Variants in FBXO34 observed in about 807,000 individuals in gnomAD.
The protein encoded by FBXO34 is F-box protein 34, also known as F-box only protein 34.
In FBXO34, 12 loss-of-function variants were observed where a neutral mutation model predicts 24.5. The observed-to-expected ratio is 0.49, with a 90% CI of 0.31 to 0.79. FBXO34 has a LOEUF of 0.79. Among genes scored for constraint, FBXO34 ranks in the 30% least tolerant of loss-of-function variants. The pLI is 0.04. For synonymous variants in FBXO34, 320 were observed against 311.9 expected (o/e 1.03, Z -0.27); for missense variants, 823 against 857.7 (o/e 0.96, Z 0.51).
the FBXO34 span, among the ~76,000 whole-genome samples, chr14:55,396,772 A>G: frequency 6.6e-6 from 1 of 152,182 alleles, no homozygotes; most frequent in African/African-American, 2.4e-5. Context: ...AGAAGGTTCT[A>G]TAGGACAATT....
chr14:55,392,746 A>G, the FBXO34 span, among the ~76,000 whole-genome samples: 1 of 152,172 alleles, frequency 6.6e-6, no homozygotes, highest in Non-Finnish European at 1.5e-5. Flanking sequence ...GCTTAAAACA[A>G]TGCTCAAATG....
the FBXO34 span, among the ~76,000 whole-genome samples, chr14:55,404,985 A>C: frequency 6.6e-6 from 1 of 152,222 alleles, no homozygotes; most frequent in South Asian, 2.1e-4. Flanking sequence ...AAAAGGTATA[A>C]TCATAAGAGT....
intron 1 of FBXO34, among the ~76,000 whole-genome samples, chr14:55,322,880 AATT>A (rs1883187999): frequency 1.3e-5 from 2 of 151,544 alleles, no homozygotes; most frequent in South Asian, 4.2e-4. Context: ...TTTTTACTAA[AATT>A]ATTTTTTTGG....
the FBXO34 span, among the ~76,000 whole-genome samples, chr14:55,441,029 T>C: frequency 6.6e-6 from 1 of 152,106 alleles, no homozygotes; most frequent in Non-Finnish European, 1.5e-5. Context: ...GTATTTTTAG[T>C]AGAGACTGGT....
chr14:55,411,377 T>G, the FBXO34 span, among the ~76,000 whole-genome samples: 1 of 152,152 alleles, frequency 6.6e-6, no homozygotes, highest in East Asian at 1.9e-4. Context: ...GGGGTCAAAC[T>G]CCTCTTGGGT....
intron 1 of FBXO34, chr14:55,282,365 G>A (rs1408321554): frequency 4.5e-6 from 2 of 444,370 alleles, no homozygotes; most frequent in African/African-American, 2.0e-5. Flanking sequence ...TGATAAGGAA[G>A]GCACCCTTGA....
chr14:55,321,297 AC>A (rs2140022951), intron 1 of FBXO34, among the ~76,000 whole-genome samples: 1 of 152,248 alleles, frequency 6.6e-6, no homozygotes, highest in Admixed American at 6.5e-5. Context: ...CGTGCTTTAC[AC>A]ATCCCACACC....
chr14:55,324,681 T>A (rs1883282284), intron 1 of FBXO34, among the ~76,000 whole-genome samples: 2 of 152,274 alleles, frequency 1.3e-5, no homozygotes, highest in South Asian at 4.2e-4. Context: ...GTTTTTAATA[T>A]TTTGCCATTG....
At chr14:55,290,734 T>A (rs1881918674) in intron 1 of FBXO34, among the ~76,000 whole-genome samples, 1 of 152,260 alleles carries the variant, frequency 6.6e-6, no homozygotes, top group Admixed American at 6.5e-5. Flanking sequence ...TAGCCACATC[T>A]GAATGCAAAG....
intron 1 of FBXO34, among the ~76,000 whole-genome samples, chr14:55,287,182 AG>A (rs1317394805): frequency 6.6e-6 from 1 of 152,216 alleles, no homozygotes; most frequent in African/African-American, 2.4e-5. Flanking sequence ...CTGGGATTAC[AG>A]GCATGAGCCA....
downstream of FBXO34, among the ~76,000 whole-genome samples, chr14:55,371,230 T>C (rs1261944315): frequency 4.6e-5 from 7 of 152,218 alleles, no homozygotes; most frequent in African/African-American, 7.2e-5. Context: ...TAGAATCGTA[T>C]AGCTTGCCAT....
chr14:55,380,875 A>ATTTTTT, the FBXO34 span, among the ~76,000 whole-genome samples: 38 of 112,668 alleles, frequency 3.4e-4, no homozygotes, highest in Non-Finnish European at 5.2e-4. Context: ...ATATATATAT[A>ATTTTTT]TTTTTTTTTT....
At chr14:55,295,402 T>TC (rs1248698320) in intron 1 of FBXO34, among the ~76,000 whole-genome samples, 2 of 145,600 alleles carry the variant, frequency 1.4e-5, no homozygotes, top group Non-Finnish European at 3.0e-5. Flanking sequence ...TTTTTTTTTT[T>TC]TTTTTTTTGG....
At chr14:55,438,283 G>T in the FBXO34 span, among the ~76,000 whole-genome samples, 2 of 152,180 alleles carry the variant, frequency 1.3e-5, no homozygotes, top group Non-Finnish European at 2.9e-5. Context: ...GCAGGTGGCA[G>T]GGGTGACTAA....
At chr14:55,364,315 A>C (rs890764559), downstream of FBXO34, among the ~76,000 whole-genome samples, 1 of 152,210 alleles carries the variant, frequency 6.6e-6, no homozygotes, top group African/African-American at 2.4e-5. Context: ...CCACCAGAGT[A>C]TCTCTGGCTC....
chr14:55,432,156 C>T, the FBXO34 span, among the ~76,000 whole-genome samples: 391 of 151,774 alleles, frequency 2.6e-3, 7 homozygotes, highest in East Asian at 0.057. Context: ...GCCTGTAATC[C>T]CAGCACTTTG....
Position 55,349,607 on chromosome 14 carries a change from C to CTTTT in FBXO34, c.-10-759_-10-756dup, listed in dbSNP as rs57284715. Among the ~76,000 whole-genome samples, 290 of 116,604 alleles carry CTTTT rather than the reference C, an allele frequency of 2.5e-3. 10 individuals carry two copies. The highest frequency in any genetic ancestry group is 6.9e-3 in the African/African-American group (214 of 31,036). The allele number at this position is 116,604 out of a possible 152,430, so 76.5% of individuals were successfully genotyped here. A position where few individuals can be genotyped will look rare whatever the true frequency, so the allele number is the denominator to read the frequency against. On this transcript the variant is annotated intron_variant, in intron 1 of 1. Coordinates refer to ENST00000313833, the MANE Select transcript of FBXO34 (RefSeq NM_017943.4). ...GAATAGTTTAGGAAGCAATAATTTT[C>CTTTT]TTTTTTTTTTTTTTTTTTGAGACAA...
At chr14:55,408,458 C>A in the FBXO34 span, among the ~76,000 whole-genome samples, 3 of 151,850 alleles carry the variant, frequency 2.0e-5, no homozygotes, top group East Asian at 1.9e-4. Flanking sequence ...GTCCCCTCCC[C>A]CCTCAAACAA....
the FBXO34 span, among the ~76,000 whole-genome samples, chr14:55,385,130 T>C: frequency 6.6e-6 from 1 of 152,214 alleles, no homozygotes; most frequent in African/African-American, 2.4e-5. Flanking sequence ...CCCCAAGCTC[T>C]AGATGTTTTC....
Sources: gnomAD v4.1 joint callset for allele counts (sites outside exome capture counted in the v4.1 genomes callset) on GRCh38, gnomAD v4.1.1 for gene constraint, MANE v1.5 for transcripts, NCBI Gene and HGNC (gene_info 2026-07-23, HGNC 2026-07-21) for gene names.